Variants in LRP1B observed in about 807,000 individuals in gnomAD.
The protein encoded by LRP1B is low-density lipoprotein receptor-related protein 1B.
LRP1B carries 217 observed loss-of-function variants against 556.6 expected under a neutral mutation model. The ratio of observed to expected loss-of-function variants is 0.39; its 90% CI spans 0.35 to 0.44. LRP1B has a LOEUF of 0.44. LRP1B is among the 20% of genes least tolerant of loss of function. The pLI is 1.00. For synonymous variants in LRP1B, 2,047 were observed against 1,865.8 expected, an observed-to-expected ratio of 1.10 and a Z score of -2.50; for missense variants, 5,053 against 5,620.8, an observed-to-expected ratio of 0.90 and a Z score of 3.23.
intron 31 of LRP1B, among the ~76,000 whole-genome samples, chr2:140,836,696 G>T (rs769881938): frequency 5.3e-5 from 8 of 152,132 alleles, no homozygotes; most frequent in Non-Finnish European, 8.8e-5. Flanking sequence ...GGCAGACAGA[G>T]ATGTGACAGT....
At chr2:141,110,918 C>T (rs532126973) in intron 7 of LRP1B, among the ~76,000 whole-genome samples, 2 of 152,144 alleles carry the variant, frequency 1.3e-5, no homozygotes, top group South Asian at 2.1e-4. Flanking sequence ...GGTCCCCACA[C>T]TAAATATATA....
At chr2:140,490,424 T>C (rs1441415346) in intron 57 of LRP1B, among the ~76,000 whole-genome samples, 2 of 152,218 alleles carry the variant, frequency 1.3e-5, no homozygotes, top group East Asian at 3.9e-4. Flanking sequence ...TTTTATGCAA[T>C]AAAACTTTAT....
At chr2:141,743,163 A>G (rs897411108) in intron 2 of LRP1B, among the ~76,000 whole-genome samples, 3 of 152,084 alleles carry the variant, frequency 2.0e-5, no homozygotes, top group African/African-American at 7.2e-5. Context: ...AATTTTATCA[A>G]ATGCTGTTTC....
At chr2:141,450,220 A>G (rs2105020723) in intron 3 of LRP1B, among the ~76,000 whole-genome samples, 1 of 152,308 alleles carries the variant, frequency 6.6e-6, no homozygotes, top group Middle Eastern at 3.4e-3. Flanking sequence ...TGTTTTTATT[A>G]GTTCTTGCCA....
chr2:140,508,364 C>T (rs574832599), intron 52 of LRP1B, among the ~76,000 whole-genome samples: 1 of 152,200 alleles, frequency 6.6e-6, no homozygotes, highest in South Asian at 2.1e-4. Flanking sequence ...ACTTAAGATA[C>T]AGGTATTATC....
chr2:140,351,500 T>C (rs914336783), intron 76 of LRP1B, among the ~76,000 whole-genome samples: 2 of 152,132 alleles, frequency 1.3e-5, no homozygotes, highest in African/African-American at 4.8e-5. Flanking sequence ...TTACTGTATT[T>C]ATACATCTTA....
chr2:141,719,693 T>TA (rs1692745396), intron 2 of LRP1B, among the ~76,000 whole-genome samples: 1 of 152,060 alleles, frequency 6.6e-6, no homozygotes. Context: ...TACACAGCTG[T>TA]AAAAAATGAA....
At chr2:141,777,663 T>A (rs755459845) in intron 2 of LRP1B, among the ~76,000 whole-genome samples, 38 of 151,964 alleles carry the variant, frequency 2.5e-4, no homozygotes, top group Non-Finnish European at 4.4e-4. Context: ...GATCCACCCA[T>A]CTCGGCCTCC....
chr2:140,743,993 T>TA (rs1297190080), intron 35 of LRP1B, among the ~76,000 whole-genome samples: 3 of 7,162 alleles, frequency 4.2e-4, no homozygotes, highest in East Asian at 6.3e-3. Flanking sequence ...AAAAAAAAAG[T>TA]AAAAAGTAAA....
intron 5 of LRP1B, among the ~76,000 whole-genome samples, chr2:141,237,385 A>G (rs1466721273): frequency 7.7e-6 from 1 of 129,170 alleles, no homozygotes; most frequent in African/African-American, 2.9e-5. Flanking sequence ...TCTGATTTCT[A>G]TATAGAGACG....
intron 68 of LRP1B, among the ~76,000 whole-genome samples, chr2:140,375,086 T>C (rs1397163290): frequency 6.6e-6 from 1 of 152,082 alleles, no homozygotes; most frequent in Non-Finnish European, 1.5e-5. Flanking sequence ...CCTAAGAATG[T>C]TGATACCTTT....
At chr2:141,066,849 A>T (rs1026229638) in intron 7 of LRP1B, among the ~76,000 whole-genome samples, 5 of 151,926 alleles carry the variant, frequency 3.3e-5, no homozygotes, top group African/African-American at 1.2e-4. Flanking sequence ...AAGATACAAA[A>T]TGGGGACTAG....
intron 6 of LRP1B, among the ~76,000 whole-genome samples, chr2:141,190,501 A>C (rs1382531034): frequency 6.6e-6 from 1 of 152,000 alleles, no homozygotes; most frequent in East Asian, 1.9e-4. Context: ...AAAATGATAA[A>C]TTCAAAGGTT....
chr2:140,693,871 C>A (rs1347521844), intron 41 of LRP1B, among the ~76,000 whole-genome samples: 1 of 152,016 alleles, frequency 6.6e-6, no homozygotes, highest in South Asian at 2.1e-4. Context: ...ACATGCCCAG[C>A]TAATTTTTGT....
intron 2 of LRP1B, among the ~76,000 whole-genome samples, chr2:141,662,601 A>G (rs1447880207): frequency 6.6e-6 from 1 of 152,210 alleles, no homozygotes; most frequent in Non-Finnish European, 1.5e-5. Context: ...ACCTAACAGT[A>G]AAGGGCTCAA....
At chr2:141,078,335 T>A (rs1489876127) in intron 7 of LRP1B, among the ~76,000 whole-genome samples, 2 of 152,194 alleles carry the variant, frequency 1.3e-5, no homozygotes, top group East Asian at 3.9e-4. Flanking sequence ...AAGCCCTTCT[T>A]TCTCCCACAG....
intron 5 of LRP1B, among the ~76,000 whole-genome samples, chr2:141,233,108 C>T (rs1166691721): frequency 6.6e-6 from 1 of 152,180 alleles, no homozygotes; most frequent in Non-Finnish European, 1.5e-5. Flanking sequence ...CATCCTTAGT[C>T]AATGGACAGT....
At chr2:141,936,886 A>C (rs12466188) in intron 1 of LRP1B, among the ~76,000 whole-genome samples, 32,586 of 151,350 alleles carry the variant, frequency 0.22, 4,180 homozygotes, top group East Asian at 0.37. Flanking sequence ...CTAGATTTTT[A>C]ATAAAGCAAA....
Position 141,789,169 on chromosome 2 carries a change from A to G in LRP1B, c.205+21110T>C, listed in dbSNP as rs548627315. On this transcript the variant is annotated intron_variant, in intron 2 of 90. Transcript: ENST00000389484. ...CCACCAACAGTGTATTATTCTTTAG[A>G]AAAATTTAATATACGGCTTCTGGAT... 4.3e-4 allele frequency among the ~76,000 whole-genome samples: 65 copies of G among 152,164 alleles called. 1 individual carries two copies. The highest frequency in any genetic ancestry group is 1.5e-3 in the African/African-American group (62 of 41,554).
Sources: allele counts gnomAD v4.1 joint callset (sites outside exome capture counted in the v4.1 genomes callset), GRCh38; gene constraint gnomAD v4.1.1; transcripts MANE v1.5; gene names NCBI Gene and HGNC (gene_info 2026-07-23, HGNC 2026-07-21).